Variants in RASAL2 observed in about 807,000 individuals in gnomAD.
The protein encoded by RASAL2 is RAS protein activator like 2, also known as ras GTPase-activating protein nGAP.
RASAL2 carries 58 observed loss-of-function variants against 128.9 expected under a neutral mutation model. The ratio of observed to expected loss-of-function variants is 0.45; its 90% CI spans 0.36 to 0.56. The LOEUF is 0.56. RASAL2 is among the 20% of genes least tolerant of loss of function. The pLI, the probability that RASAL2 is intolerant of heterozygous loss-of-function variation, is 0.00. For missense variants in RASAL2, 1,360 were observed against 1,601.6 expected (o/e 0.85, Z 2.57); for synonymous variants, 561 against 580.8 (o/e 0.97, Z 0.49).
intron 1 of RASAL2, among the ~76,000 whole-genome samples, chr1:178,219,892 GA>G (rs1160028906): frequency 6.6e-6 from 1 of 152,038 alleles, no homozygotes; most frequent in Non-Finnish European, 1.5e-5. Flanking sequence ...TCCAATGTTG[GA>G]GGTGAGGCCT....
intron 3 of RASAL2, among the ~76,000 whole-genome samples, chr1:178,302,102 T>C (rs537471130): frequency 6.6e-6 from 1 of 152,324 alleles, no homozygotes; most frequent in African/African-American, 2.4e-5. Flanking sequence ...TACATGCCAG[T>C]CTAATCTTGA....
intron 3 of RASAL2, among the ~76,000 whole-genome samples, chr1:178,352,160 G>A (rs1175836448): frequency 1.3e-5 from 2 of 152,110 alleles, no homozygotes; most frequent in African/African-American, 2.4e-5. Flanking sequence ...TTTAGCAATC[G>A]AGAATTACTA....
At chr1:178,219,495 G>A (rs139946266) in intron 1 of RASAL2, among the ~76,000 whole-genome samples, 27 of 152,000 alleles carry the variant, frequency 1.8e-4, no homozygotes, top group African/African-American at 6.0e-4. Flanking sequence ...AGAAAAATTA[G>A]CCAGGCTTGG....
At chr1:178,223,863 T>C (rs1663699322) in intron 1 of RASAL2, among the ~76,000 whole-genome samples, 2 of 152,130 alleles carry the variant, frequency 1.3e-5, no homozygotes, top group Admixed American at 1.3e-4. Flanking sequence ...TGGTGATAAC[T>C]AAGGTTTGGG....
intron 11 of RASAL2, among the ~76,000 whole-genome samples, chr1:178,454,134 T>C (rs1677587778): frequency 1.3e-5 from 2 of 150,104 alleles, no homozygotes; most frequent in African/African-American, 2.5e-5. Flanking sequence ...TGAAGGTTTG[T>C]ACTGGTGAGC....
intron 3 of RASAL2, among the ~76,000 whole-genome samples, chr1:178,377,058 T>A (rs1289263229): frequency 6.6e-6 from 1 of 152,188 alleles, no homozygotes; most frequent in African/African-American, 2.4e-5. Flanking sequence ...CTTTTCTAAA[T>A]GGAATTTAAA....
chr1:178,102,598 A>G (rs1658944184), intron 1 of RASAL2, among the ~76,000 whole-genome samples: 1 of 152,124 alleles, frequency 6.6e-6, no homozygotes, highest in Admixed American at 6.5e-5. Context: ...GTATTAATAC[A>G]TATTTGGTAT....
chr1:178,103,037 C>T (rs929703946), intron 1 of RASAL2, among the ~76,000 whole-genome samples: 2 of 152,086 alleles, frequency 1.3e-5, no homozygotes, highest in African/African-American at 4.8e-5. Flanking sequence ...GCCATGAGTT[C>T]TGGGGGTCTG....
Position 178,439,526 on chromosome 1 carries a change from C to T in RASAL2, c.779C>T (p.Ser260Leu), listed in dbSNP as rs116005363. Residue 260 changes from serine (S) to leucine (L), a missense_variant, in exon 6 of 18, where the codon TCA becomes TTA. Coordinates refer to ENST00000367649, the MANE Select transcript of RASAL2 (RefSeq NM_170692.4). ...GATCTTGGTAGAGGGGAACCTGTAT[C>T]AGTGAAACCACTTCATAGTAGCATC... ...CLDLGRGEPV[S>L]VKPLHSSILG... The T allele has an allele frequency of 3.1e-6, 5 of 1,612,952 alleles. No homozygotes were observed. In the African/African-American group the frequency reaches 6.7e-5, roughly 22 times the overall value.
At chr1:178,465,721 T>C (rs1051501855) in intron 15 of RASAL2, among the ~76,000 whole-genome samples, 199 bp from the exon 16 acceptor site, 2 of 151,554 alleles carry the variant, frequency 1.3e-5, no homozygotes, top group African/African-American at 2.4e-5. Context: ...TGCCAGTTGA[T>C]AATTATAAAG....
At chr1:178,293,483 T>G (rs1667369559) in intron 2 of RASAL2, among the ~76,000 whole-genome samples, 1 of 152,224 alleles carries the variant, frequency 6.6e-6, no homozygotes, top group Non-Finnish European at 1.5e-5. Context: ...CTTGAGTGGC[T>G]TCTCAGTGCT....
chr1:178,143,019 A>G (rs1332975395), intron 1 of RASAL2, among the ~76,000 whole-genome samples: 2 of 151,944 alleles, frequency 1.3e-5, no homozygotes, highest in Admixed American at 1.3e-4. Context: ...GGCACGCTTC[A>G]CAGGCCCTGA....
intron 1 of RASAL2, among the ~76,000 whole-genome samples, chr1:178,189,021 A>G (rs779574145): frequency 4.6e-5 from 7 of 152,146 alleles, no homozygotes; most frequent in Non-Finnish European, 7.4e-5. Flanking sequence ...TAACCATAGC[A>G]ATTATTGTGG....
At chr1:178,336,960 A>T (rs1216482354) in intron 3 of RASAL2, among the ~76,000 whole-genome samples, 6 of 151,874 alleles carry the variant, frequency 4.0e-5, no homozygotes, top group Non-Finnish European at 8.8e-5. Flanking sequence ...TATTATTATT[A>T]TTTTTTTGAA....
intron 1 of RASAL2, among the ~76,000 whole-genome samples, chr1:178,132,676 G>C (rs1428246880): frequency 6.6e-6 from 1 of 151,986 alleles, no homozygotes; most frequent in Non-Finnish European, 1.5e-5. Context: ...TAGCAAGATG[G>C]ATTTTATTTT....
At chr1:178,170,378 G>A (rs1661666841) in intron 1 of RASAL2, among the ~76,000 whole-genome samples, 1 of 151,662 alleles carries the variant, frequency 6.6e-6, no homozygotes, top group South Asian at 2.1e-4. Flanking sequence ...TTTGGTAGTA[G>A]CATAATGGAG....
chr1:178,361,257 G>C (rs1001266056), intron 3 of RASAL2, among the ~76,000 whole-genome samples: 3 of 151,900 alleles, frequency 2.0e-5, no homozygotes, highest in African/African-American at 7.3e-5. Context: ...CTAACCAGAA[G>C]GAAATTAATG....
At chr1:178,154,955 CT>C (rs1213245865) in intron 1 of RASAL2, among the ~76,000 whole-genome samples, 1 of 152,150 alleles carries the variant, frequency 6.6e-6, no homozygotes, top group Non-Finnish European at 1.5e-5. Context: ...TCCTGAGTAC[CT>C]GAGATTACAG....
At chr1:178,145,275 A>G (rs901859449) in intron 1 of RASAL2, among the ~76,000 whole-genome samples, 1 of 152,186 alleles carries the variant, frequency 6.6e-6, no homozygotes, top group African/African-American at 2.4e-5. Flanking sequence ...ATATGCCAGA[A>G]AACTAAAAAA....
Sources: gnomAD v4.1 joint callset for allele counts (sites outside exome capture counted in the v4.1 genomes callset) on GRCh38, gnomAD v4.1.1 for gene constraint, MANE v1.5 for transcripts, NCBI Gene and HGNC (gene_info 2026-07-23, HGNC 2026-07-21) for gene names.